Variants in SF3A3 observed in about 807,000 individuals in gnomAD.
SF3A3 encodes the protein SAP 61.
In SF3A3, 9 loss-of-function variants were observed where a neutral mutation model predicts 85.8. The observed-to-expected ratio is 0.10, with a 90% confidence interval of 0.06 to 0.18. SF3A3 has a LOEUF of 0.18. Among genes scored for constraint, SF3A3 ranks in the 10% least tolerant of loss-of-function variants. The pLI, the probability that SF3A3 is intolerant of heterozygous loss-of-function variation, is 1.00. For synonymous variants in SF3A3, 195 were observed against 204.4 expected, an observed-to-expected ratio of 0.95 and a Z score of 0.39; for missense variants, 306 against 593.3, an observed-to-expected ratio of 0.52 and a Z score of 5.03.
At chr1:37,962,569 C>T (rs1390572011) in intron 15 of SF3A3, among the ~76,000 whole-genome samples, 2 of 140,148 alleles carry the variant, frequency 1.4e-5, no homozygotes, top group Non-Finnish European at 3.0e-5. Flanking sequence ...TGCTATTGCA[C>T]TCCAGTCTGG....
At chr1:37,979,326 T>C in intron 9 of SF3A3, 139 bp downstream of exon 9, 1 of 711,074 alleles carries the variant, frequency 1.4e-6, no homozygotes, top group East Asian at 2.7e-5. Context: ...CTTTTTGCCT[T>C]GCTACTTTCT....
intron 4 of SF3A3, among the ~76,000 whole-genome samples, 192 bp downstream of exon 4, chr1:37,987,381 C>G (rs963398094): frequency 3.3e-5 from 5 of 152,194 alleles, no homozygotes; most frequent in African/African-American, 1.2e-4. Context: ...GCCCAGCCGG[C>G]CTTGGCTTAA....
intron 6 of SF3A3, among the ~76,000 whole-genome samples, chr1:37,983,741 C>T (rs757621274): frequency 1.3e-5 from 2 of 151,786 alleles, no homozygotes; most frequent in Non-Finnish European, 2.9e-5. Context: ...TTGTGACCAG[C>T]CTGGGCAACA....
chr1:37,987,496 T>C (rs1017456526), intron 4 of SF3A3, 77 bp downstream of exon 4: 4 of 1,031,432 alleles, frequency 3.9e-6, no homozygotes, highest in African/African-American at 3.2e-5. Flanking sequence ...GAATAGCACA[T>C]GTCCAGTTTC....
At chr1:37,972,345 C>T (rs372568646) in intron 12 of SF3A3, among the ~76,000 whole-genome samples, 13 of 152,098 alleles carry the variant, frequency 8.5e-5, no homozygotes, top group Middle Eastern at 6.8e-3. Context: ...CACTGCTCAA[C>T]GAAATGAAAG....
chr1:37,988,578 T>G (rs1646471098), intron 2 of SF3A3, among the ~76,000 whole-genome samples: 1 of 152,154 alleles, frequency 6.6e-6, no homozygotes, highest in South Asian at 2.1e-4. Flanking sequence ...AAGAAAATCC[T>G]TGGTTTTCAG....
rs542012733 is a variant in SF3A3, at chr1:37,977,169, T to C, written c.936-216A>G. 2.1e-4 allele frequency among the ~76,000 whole-genome samples: 32 copies of C among 152,292 alleles called. 1 individual carries two copies. The South Asian group carries it at 6.0e-3, about 29-fold the overall frequency. On this transcript the variant is annotated intron_variant, in intron 11 of 16. Coordinates refer to ENST00000373019, the MANE Select transcript of SF3A3 (RefSeq NM_006802.4). The stretch of plus-strand genomic sequence containing the variant: ...ATGGAGGCTTCCTCTATGACCTCAC[T>C]TAGAAGATGAAGGACACATCAAGAC...
chr1:37,974,438 G>A (rs1310557358), intron 12 of SF3A3, among the ~76,000 whole-genome samples: 1 of 151,684 alleles, frequency 6.6e-6, no homozygotes, highest in African/African-American at 2.4e-5. Context: ...GAGTAGCTGG[G>A]ACTACAGATG....
chr1:37,960,488 C>T (rs1646249371), intron 15 of SF3A3: 1 of 317,474 alleles, frequency 3.1e-6, no homozygotes, highest in African/African-American at 2.1e-5. Context: ...GGGAAAGTGA[C>T]TTTACTTTCT....
At chr1:37,969,500 G>C (rs1030583981) in intron 13 of SF3A3, 36 bp from the exon 14 acceptor site, 26 of 1,612,010 alleles carry the variant, frequency 1.6e-5, no homozygotes, top group Non-Finnish European at 2.0e-5. Flanking sequence ...ACCAAGAAGT[G>C]TTAGCCTACT....
chr1:37,988,297 G>C (rs554713022), intron 2 of SF3A3, among the ~76,000 whole-genome samples: 2 of 152,268 alleles, frequency 1.3e-5, no homozygotes, highest in Admixed American at 1.3e-4. Flanking sequence ...ACTAATTCAG[G>C]ATGGTACAGG....
intron 7 of SF3A3, 76 bp from the exon 8 acceptor site, chr1:37,980,800 T>A: frequency 9.0e-7 from 1 of 1,113,262 alleles, no homozygotes; most frequent in Non-Finnish European, 1.3e-6. Context: ...CTGCAGAATA[T>A]AAAGTACTTA....
rs893249301 is a variant in SF3A3, at chr1:37,969,408, C to T, written c.1227G>A (p.Glu409=). 4.3e-6 allele frequency: 7 copies of T among 1,612,696 alleles called. No homozygotes were observed. Among genetic ancestry groups the T allele is most frequent in the Admixed American group, 3.3e-5 (2 of 60,002 alleles). Residue 409 remains glutamate (E), a synonymous_variant, in exon 14 of 17, where the codon GAG becomes GAA. Transcript: ENST00000373019. ...CTCGGTAGGTGTAGTTTCCACAAAT[C>T]TCACAGTTGTAGTTGATATTTAGGC... is the stretch of plus-strand genomic sequence containing the variant. ...LHGLNINYNC[E]ICGNYTYRGP... is the part of the protein sequence containing the mutation.
Position 37,972,530 on chromosome 1 carries a change from T to C in SF3A3, c.1006-2795A>G, listed in dbSNP as rs144751786. On this transcript the variant is annotated intron_variant, in intron 12 of 16. Transcript: ENST00000373019. The stretch of plus-strand genomic sequence containing the variant: ...AGAATTGGAAAAAACTACTTGAAAG[T>C]TCACATGGAACCAAAAAAGAGCCTG... Among the ~76,000 whole-genome samples, 67 of 152,266 alleles carry C rather than the reference T, an allele frequency of 4.4e-4. No homozygotes were observed. The East Asian group carries it at 0.012, about 27-fold the overall frequency.
rs768744569 is a variant in SF3A3 at position 37,984,279 on chromosome 1, T to C, written c.377-19A>G. On this transcript the variant is annotated intron_variant, in intron 5 of 16. Transcript: ENST00000373019. ...ACCAAGTCTGAGGGAATCAGATACA[T>C]CAATGATTCAGTTTCTACAGACCAC... 4.2e-6 allele frequency: 6 copies of C among 1,414,276 alleles called. No homozygotes were observed. The South Asian group carries it at 4.7e-5, about 11-fold the overall frequency. 87.6% of individuals were successfully genotyped at this position (1,414,276 alleles called of 1,614,324 possible).
In SF3A3 at chr1:37,988,246, C is replaced by A. The variant is rs186974239; in HGVS notation, c.145-410G>T. Reference sequence around the variant, plus strand: ...AACGCTTGACTGAGGAGTAGGCAGGCTAAATAAACATTACATAGGCTTCCT... The same window carrying A: ...AACGCTTGACTGAGGAGTAGGCAGGATAAATAAACATTACATAGGCTTCCT... On this transcript the variant is annotated intron_variant, in intron 2 of 16. Coordinates refer to ENST00000373019, the MANE Select transcript of SF3A3 (RefSeq NM_006802.4). 3.4e-4 allele frequency among the ~76,000 whole-genome samples: 52 copies of A among 152,256 alleles called. 1 individual carries two copies. Among genetic ancestry groups the A allele is most frequent in the African/African-American group, 1.3e-3 (52 of 41,546 alleles).
At position 37,978,782 on chromosome 1, in the gene SF3A3, C is replaced by T; in HGVS notation, c.873G>A (p.Lys291=). The change falls in exon 11 of 17, where the codon AAG becomes AAA. Residue 291 remains lysine (K), a synonymous_variant. Transcript: ENST00000373019. The part of the protein sequence containing the change: ...RAQRLFSTKG[K]SLESLDTSLF... Reference sequence around the variant, plus strand: ...AAGAGGTATCAAGTGACTCCAGGGACTTTCCTTTGGTACTGAATAGTCTCT... The same window carrying T: ...AAGAGGTATCAAGTGACTCCAGGGATTTTCCTTTGGTACTGAATAGTCTCT... The T allele has an allele frequency of 1.3e-6, 2 of 1,573,388 alleles. No individual in the cohort carries two copies. The highest frequency in any genetic ancestry group is 8.6e-7 in the Non-Finnish European group (1 of 1,157,702).
At chr1:37,969,103 G>C (rs1053218347) in intron 14 of SF3A3, among the ~76,000 whole-genome samples, 5 of 152,184 alleles carry the variant, frequency 3.3e-5, no homozygotes, top group African/African-American at 1.2e-4. Context: ...AGAAGTTTAA[G>C]AGCAGGCAAG....
At chr1:37,979,203 A>G (rs1646400471) in intron 9 of SF3A3, 148 bp from the exon 10 acceptor site, 9 of 674,880 alleles carry the variant, frequency 1.3e-5, no homozygotes, top group Admixed American at 2.6e-5. Context: ...TCTCCAGAGG[A>G]CTGAATCTAT....
Sources: allele counts gnomAD v4.1 joint callset (sites outside exome capture counted in the v4.1 genomes callset), GRCh38; gene constraint gnomAD v4.1.1; transcripts MANE v1.5; gene names NCBI Gene and HGNC (gene_info 2026-07-23, HGNC 2026-07-21).